Variants in DISC1 observed in about 807,000 individuals in gnomAD.
DISC1 encodes the protein disrupted in schizophrenia 1 protein.
A neutral mutation model predicts 84.5 loss-of-function variants in DISC1; 57 were observed. That is an observed-to-expected ratio of 0.67 (90% CI 0.55 to 0.84). DISC1 has a LOEUF of 0.84. DISC1 is among the 40% of genes least tolerant of loss of function. The pLI is 0.00. For missense variants in DISC1, 1,000 were observed against 1,057.8 expected (o/e 0.95, Z 0.76); for synonymous variants, 411 against 415.2 (o/e 0.99, Z 0.12).
chr1:231,808,830 C>T (rs1296561808), intron 8 of DISC1, among the ~76,000 whole-genome samples: 1 of 152,230 alleles, frequency 6.6e-6, no homozygotes, highest in Non-Finnish European at 1.5e-5. Context: ...TGGCCTGGGG[C>T]ATCCCCTGGT....
chr1:231,924,117 G>A (rs895298637), intron 9 of DISC1, among the ~76,000 whole-genome samples: 8 of 152,108 alleles, frequency 5.3e-5, no homozygotes, highest in African/African-American at 9.7e-5. Context: ...AGAGCTTGTC[G>A]TATAAATACA....
At chr1:231,706,937 A>G (rs936968220) in intron 3 of DISC1, among the ~76,000 whole-genome samples, 3 of 152,150 alleles carry the variant, frequency 2.0e-5, no homozygotes, top group South Asian at 2.1e-4. Flanking sequence ...TACACCTCCC[A>G]TAGGGTTTGG....
Position 231,782,556 on chromosome 1 carries a change from G to A in DISC1, c.1634+11486G>A, listed in dbSNP as rs553486050. Among the ~76,000 whole-genome samples the A allele has an allele frequency of 5.3e-5, 8 of 152,238 alleles. No homozygotes were observed. The East Asian group carries it at 9.6e-4, about 18-fold the overall frequency. On this transcript the variant is annotated intron_variant, in intron 6 of 12. Coordinates refer to ENST00000439617, the MANE Select transcript of DISC1 (RefSeq NM_018662.3). Reference sequence around the variant, plus strand: ...ATAAACCCACAGCAGAAAGTACAACGTTTTTGGCAAACTTTACAGTTATGG... The same window carrying A: ...ATAAACCCACAGCAGAAAGTACAACATTTTTGGCAAACTTTACAGTTATGG...
rs1558864059 is a variant in DISC1 at position 232,040,358 on chromosome 1, G to A, written c.*3527G>A. 6.6e-6 allele frequency: 1 copy of A among 152,134 alleles called. No homozygotes were observed. Among genetic ancestry groups the A allele is most frequent in the Non-Finnish European group, 1.5e-5 (1 of 68,040 alleles). The allele number at this position is 152,134 out of a possible 1,614,324, so 9.4% of individuals were successfully genotyped here. A position where few individuals can be genotyped will look rare whatever the true frequency, so the allele number is the denominator to read the frequency against. On this transcript the variant is annotated 3_prime_UTR_variant, in exon 13 of 13. Transcript: ENST00000439617. Reference sequence around the variant, plus strand: ...AATTAGTATATACTATTGGAAACTTGTCTTTCCCTGCAGTAAGGCTGGTTT... The same window carrying A: ...AATTAGTATATACTATTGGAAACTTATCTTTCCCTGCAGTAAGGCTGGTTT...
At chr1:231,795,388 T>C in intron 7 of DISC1, 92 bp downstream of exon 7, 2 of 1,167,682 alleles carry the variant, frequency 1.7e-6, no homozygotes, top group Non-Finnish European at 2.5e-6. Context: ...ACCTGGCTTC[T>C]GCAAAAAAAG....
chr1:231,915,231 T>G (rs1203794396), intron 9 of DISC1, among the ~76,000 whole-genome samples: 1 of 152,234 alleles, frequency 6.6e-6, no homozygotes, highest in East Asian at 1.9e-4. Context: ...ATTGGCTTGG[T>G]GCCTCATGGT....
At chr1:231,734,916 T>A (rs1032068277) in intron 3 of DISC1, among the ~76,000 whole-genome samples, 1 of 152,218 alleles carries the variant, frequency 6.6e-6, no homozygotes, top group Non-Finnish European at 1.5e-5. Flanking sequence ...CCTGAAAAGA[T>A]CTATGAGCTA....
chr1:231,882,969 C>T (rs997125614), intron 9 of DISC1, among the ~76,000 whole-genome samples: 3 of 151,662 alleles, frequency 2.0e-5, no homozygotes, highest in African/African-American at 7.3e-5. Flanking sequence ...TTGGAGAGAA[C>T]ACAAGCACAA....
intron 3 of DISC1, among the ~76,000 whole-genome samples, chr1:231,704,141 C>CA (rs1482943479): frequency 6.6e-6 from 1 of 152,176 alleles, no homozygotes; most frequent in African/African-American, 2.4e-5. Context: ...GGAATATGCA[C>CA]AATGCCTGGC....
intron 10 of DISC1, among the ~76,000 whole-genome samples, chr1:232,001,594 T>G (rs1012569564): frequency 6.6e-6 from 1 of 152,114 alleles, no homozygotes; most frequent in Non-Finnish European, 1.5e-5. Context: ...AAAAATATGC[T>G]CAAATGATTT....
rs61578768 is a variant in DISC1, at chr1:231,766,288, T to TAAAA, written c.1269-836_1269-833dup. Among the ~76,000 whole-genome samples the TAAAA allele has an allele frequency of 1.4e-4, 15 of 106,082 alleles. 2 individuals carry two copies. Among genetic ancestry groups the TAAAA allele is most frequent in the East Asian group, 2.8e-4 (1 of 3,616 alleles). The allele number at this position is 106,082 out of a possible 152,430, so 69.6% of individuals were successfully genotyped here. A position where few individuals can be genotyped will look rare whatever the true frequency, so the allele number is the denominator to read the frequency against. On this transcript the variant is annotated intron_variant, in intron 4 of 12. Transcript: ENST00000439617. The stretch of plus-strand genomic sequence containing the variant: ...CTGGGTGTCGCAGTAAGACATTATC[T>TAAAA]AAAAAAAAAAAAAAAAAAACAAAAT...
At chr1:231,700,080 C>G (rs2066219019) in intron 2 of DISC1, among the ~76,000 whole-genome samples, 1 of 152,196 alleles carries the variant, frequency 6.6e-6, no homozygotes, top group Admixed American at 6.5e-5. Flanking sequence ...GATCAGATTT[C>G]AAATTGCAAC....
intron 3 of DISC1, among the ~76,000 whole-genome samples, chr1:231,712,341 C>A (rs1319564730): frequency 1.3e-5 from 2 of 152,012 alleles, no homozygotes; most frequent in African/African-American, 4.8e-5. Flanking sequence ...GCATAACCAC[C>A]AAAAAACTTA....
intron 9 of DISC1, among the ~76,000 whole-genome samples, chr1:231,921,292 A>G (rs545500494): frequency 1.3e-5 from 2 of 152,274 alleles, no homozygotes; most frequent in Non-Finnish European, 2.9e-5. Context: ...CAACTTACAT[A>G]TGACTTCCAA....
At chr1:231,664,075 CA>C (rs1198142251) in intron 1 of DISC1, among the ~76,000 whole-genome samples, 1 of 151,938 alleles carries the variant, frequency 6.6e-6, no homozygotes, top group Non-Finnish European at 1.5e-5. Flanking sequence ...TCCATCCATC[CA>C]TCCGTCTATC....
At chr1:231,723,089 G>T (rs990142899) in intron 3 of DISC1, 1 of 1,005,224 alleles carries the variant, frequency 9.9e-7, no homozygotes, top group Non-Finnish European at 1.2e-6. Context: ...ATTCCAGGAC[G>T]CCTGTGGATA....
chr1:231,638,922 G>A (rs2059404649), intron 1 of DISC1, among the ~76,000 whole-genome samples: 1 of 152,164 alleles, frequency 6.6e-6, no homozygotes, highest in Non-Finnish European at 1.5e-5. Flanking sequence ...CTTTGTATTA[G>A]TCTGGGGTAA....
chr1:231,689,450 G>T (rs1371078368), intron 1 of DISC1, among the ~76,000 whole-genome samples: 1 of 151,970 alleles, frequency 6.6e-6, no homozygotes, highest in Non-Finnish European at 1.5e-5. Flanking sequence ...TCCTGCCTCA[G>T]CCTCCCGAGT....
At chr1:231,693,247 C>T (rs1242522420) in intron 1 of DISC1, among the ~76,000 whole-genome samples, 1 of 152,230 alleles carries the variant, frequency 6.6e-6, no homozygotes, top group Non-Finnish European at 1.5e-5. Context: ...ACACATCAAG[C>T]AGGCCTCCTG....
Sources: allele counts gnomAD v4.1 joint callset (sites outside exome capture counted in the v4.1 genomes callset), GRCh38; gene constraint gnomAD v4.1.1; transcripts MANE v1.5; gene names NCBI Gene and HGNC (gene_info 2026-07-23, HGNC 2026-07-21).